Variants in RBFOX1 observed in about 807,000 individuals in gnomAD.
The protein encoded by RBFOX1 is RNA binding fox-1 homolog 1.
RBFOX1 carries 8 observed loss-of-function variants against 57.7 expected under a neutral mutation model. That is an observed-to-expected ratio of 0.14 (90% CI 0.08 to 0.25). RBFOX1 has a LOEUF of 0.25. Among genes scored for constraint, RBFOX1 ranks in the 10% least tolerant of loss-of-function variants. The probability of loss-of-function intolerance (pLI) is 1.00; values close to 1 mark genes in which losing one functional copy is unlikely to be tolerated. For missense variants in RBFOX1, 611 were observed against 548.5 expected, an observed-to-expected ratio of 1.11 and a Z score of -1.14; for synonymous variants, 326 against 222.4, an observed-to-expected ratio of 1.47 and a Z score of -4.15.
intron 4 of RBFOX1, among the ~76,000 whole-genome samples, chr16:5,953,856 C>T (rs2059570258): frequency 1.3e-5 from 2 of 152,154 alleles, no homozygotes; most frequent in African/African-American, 4.8e-5. Context: ...TCTAGATACC[C>T]AGTAGTGGGA....
At position 5,497,924 on chromosome 16, in the gene RBFOX1, A is replaced by G. The variant is rs546522738; in HGVS notation, c.258+30670A>G. On this transcript the variant is annotated intron_variant, in intron 2 of 2. Coordinates refer to the RBFOX1 transcript ENST00000585867. ...TGGCTTTGGAGTGGACGCATAAAAG[A>G]TGAGGAAGAGCTTGCCATGGAGAGA... Among the ~76,000 whole-genome samples, 147 of 152,288 alleles carry G rather than the reference A, an allele frequency of 9.7e-4. 2 individuals are homozygous for G. In the Middle Eastern group the frequency reaches 0.024, roughly 25 times the overall value.
At chr16:7,522,756 T>C (rs1022806226) in intron 5 of RBFOX1, among the ~76,000 whole-genome samples, 4 of 152,180 alleles carry the variant, frequency 2.6e-5, no homozygotes, top group Non-Finnish European at 5.9e-5. Flanking sequence ...ATGAAGTGTT[T>C]TATAGGCGAT....
intron 4 of RBFOX1, among the ~76,000 whole-genome samples, chr16:6,003,245 C>T (rs890410897): frequency 4.0e-5 from 6 of 149,350 alleles, no homozygotes; most frequent in East Asian, 2.0e-4. Flanking sequence ...CGCCACTGCA[C>T]TCCAGCCTGG....
At chr16:6,423,750 C>T (rs1369825018) in intron 2 of RBFOX1, among the ~76,000 whole-genome samples, 7 of 152,052 alleles carry the variant, frequency 4.6e-5, no homozygotes, top group Non-Finnish European at 7.4e-5. Context: ...GAATCCCAGC[C>T]GCCAGATGAG....
chr16:5,818,464 A>G (rs2342743), intron 3 of RBFOX1, among the ~76,000 whole-genome samples: 97,780 of 152,076 alleles, frequency 0.64, 31,820 homozygotes, highest in Non-Finnish European at 0.7. Flanking sequence ...TACTCAGTCA[A>G]TAAGTTTTTT....
chr16:7,576,029 G>C (rs2093308528), intron 5 of RBFOX1, among the ~76,000 whole-genome samples: 1 of 151,940 alleles, frequency 6.6e-6, no homozygotes, highest in Non-Finnish European at 1.5e-5. Flanking sequence ...GATCTCCTGG[G>C]CTCCAGCCAT....
chr16:6,292,151 T>C (rs1321566988), intron 1 of RBFOX1, among the ~76,000 whole-genome samples: 2 of 152,160 alleles, frequency 1.3e-5, no homozygotes, highest in Non-Finnish European at 2.9e-5. Context: ...TCCTAGCTAC[T>C]TGGGAGGATG....
chr16:7,377,484 A>G (rs762775470), intron 4 of RBFOX1, among the ~76,000 whole-genome samples: 22 of 152,326 alleles, frequency 1.4e-4, no homozygotes, highest in African/African-American at 3.1e-4. Flanking sequence ...TAACACATCA[A>G]TCATTTGGAA....
intron 4 of RBFOX1, among the ~76,000 whole-genome samples, chr16:7,057,046 C>T (rs1189404078): frequency 6.8e-6 from 1 of 147,076 alleles, no homozygotes; most frequent in South Asian, 2.1e-4. Context: ...AAAAAAAATG[C>T]AGGCCTGATA....
At chr16:7,545,145 C>G (rs1012877446) in intron 5 of RBFOX1, among the ~76,000 whole-genome samples, 2 of 152,188 alleles carry the variant, frequency 1.3e-5, no homozygotes, top group African/African-American at 4.8e-5. Flanking sequence ...CCTTGCTGAG[C>G]ATCAAGGTGA....
chr16:5,474,029 G>A (rs569539696), intron 2 of RBFOX1, among the ~76,000 whole-genome samples: 100 of 152,222 alleles, frequency 6.6e-4, no homozygotes, highest in African/African-American at 2.4e-3. Context: ...TGTGTGAATG[G>A]ATGGAAGTAA....
chr16:7,122,483 T>G (rs2151829466), intron 4 of RBFOX1, among the ~76,000 whole-genome samples: 1 of 152,158 alleles, frequency 6.6e-6, no homozygotes, highest in East Asian at 1.9e-4. Context: ...TTAACATCAT[T>G]AGCTATTCAG....
intron 3 of RBFOX1, among the ~76,000 whole-genome samples, chr16:6,789,426 G>A (rs2082526047): frequency 6.6e-6 from 1 of 152,150 alleles, no homozygotes; most frequent in Non-Finnish European, 1.5e-5. Context: ...GACAAAGAAA[G>A]TGAAGCGTGT....
rs79131587 is a variant in RBFOX1, at chr16:7,143,703, A to G, written c.27+91605A>G. On this transcript the variant is annotated intron_variant, in intron 4 of 15. Coordinates refer to ENST00000550418, the MANE Select transcript of RBFOX1 (RefSeq NM_018723.4). ...CGATCCTCAGCATTAAAACTTCTCC[A>G]AAGTCCTTCATTTGATCATACATTC... Among the ~76,000 whole-genome samples, 673 of 152,144 alleles carry G rather than the reference A, an allele frequency of 4.4e-3. 7 individuals are homozygous for G. The highest frequency in any genetic ancestry group is 0.015 in the African/African-American group (643 of 41,498).
intron 3 of RBFOX1, among the ~76,000 whole-genome samples, chr16:5,723,271 A>C (rs1420034848): frequency 6.6e-6 from 1 of 152,306 alleles, no homozygotes; most frequent in East Asian, 1.9e-4. Context: ...CATTCACCAG[A>C]GTCCATTTTC....
intron 1 of RBFOX1, among the ~76,000 whole-genome samples, chr16:5,273,089 A>G (rs2063055386): frequency 6.6e-6 from 1 of 152,106 alleles, no homozygotes; most frequent in African/African-American, 2.4e-5. Context: ...AGAAAGAGAA[A>G]CTCGTTCTCT....
At chr16:5,819,461 C>G (rs1229301521) in intron 3 of RBFOX1, among the ~76,000 whole-genome samples, 1 of 152,194 alleles carries the variant, frequency 6.6e-6, no homozygotes, top group Admixed American at 6.5e-5. Flanking sequence ...CTAGAGTGGT[C>G]TTTCAAAAGC....
At chr16:5,761,297 A>G (rs930344020) in intron 3 of RBFOX1, among the ~76,000 whole-genome samples, 1 of 152,188 alleles carries the variant, frequency 6.6e-6, no homozygotes, top group Admixed American at 6.5e-5. Flanking sequence ...GTGCCCCCCA[A>G]CTTTTTAAAA....
At chr16:5,802,964 A>G (rs1286992573) in intron 3 of RBFOX1, among the ~76,000 whole-genome samples, 1 of 152,190 alleles carries the variant, frequency 6.6e-6, no homozygotes, top group Non-Finnish European at 1.5e-5. Flanking sequence ...ACCAGGATGT[A>G]TGGACACAGC....
Sources: allele counts gnomAD v4.1 joint callset (sites outside exome capture counted in the v4.1 genomes callset), GRCh38; gene constraint gnomAD v4.1.1; transcripts MANE v1.5; gene names NCBI Gene and HGNC (gene_info 2026-07-23, HGNC 2026-07-21).